Variants in IMMP2L observed in about 807,000 individuals in gnomAD.
IMMP2L encodes inner mitochondrial membrane peptidase subunit 2.
A neutral mutation model predicts 19.3 loss-of-function variants in IMMP2L; 18 were observed. The ratio of observed to expected loss-of-function variants is 0.93; its 90% confidence interval spans 0.64 to 1.38. The LOEUF (loss-of-function observed/expected upper bound fraction) is 1.38, where lower values mean the gene tolerates loss of function less well. Among genes scored for constraint, IMMP2L ranks in the 40% most tolerant of loss-of-function variants. The probability of loss-of-function intolerance (pLI) is 0.00; values close to 1 mark genes in which losing one functional copy is unlikely to be tolerated. For missense variants in IMMP2L, 233 were observed against 218.2 expected, an observed-to-expected ratio of 1.07 and a Z score of -0.43; for synonymous variants, 76 against 73.0, an observed-to-expected ratio of 1.04 and a Z score of -0.21.
In IMMP2L at chr7:111,451,015, A is replaced by G. The variant is rs756275342; in HGVS notation, c.239+36223T>C. Among the ~76,000 whole-genome samples, 1,369 of 150,844 alleles carry G rather than the reference A, an allele frequency of 9.1e-3. 21 individuals are homozygous for G. The highest frequency in any genetic ancestry group is 0.012 in the Non-Finnish European group (815 of 67,870). ...CAAATCAAAACCACCATGAGATATCATCTCACACCAGTTAGAATGGCGATC... is the reference window on the plus strand; with the variant it reads ...CAAATCAAAACCACCATGAGATATCGTCTCACACCAGTTAGAATGGCGATC... On this transcript the variant is annotated intron_variant, in intron 3 of 5. Transcript: ENST00000405709.
At chr7:110,730,007 T>C (rs536565158) in intron 5 of IMMP2L, among the ~76,000 whole-genome samples, 70 of 152,128 alleles carry the variant, frequency 4.6e-4, no homozygotes, top group Middle Eastern at 3.4e-3. Flanking sequence ...CTATTGAACA[T>C]TATGAGGTAA....
intron 5 of IMMP2L, among the ~76,000 whole-genome samples, chr7:110,787,357 C>T (rs964609690): frequency 1.1e-4 from 17 of 151,998 alleles, no homozygotes; most frequent in Admixed American, 5.3e-4. Context: ...ATTTTCAGTC[C>T]TCTCTCCTGA....
intron 5 of IMMP2L, among the ~76,000 whole-genome samples, chr7:110,668,144 T>A (rs953760932): frequency 1.1e-4 from 16 of 152,172 alleles, no homozygotes; most frequent in Admixed American, 9.2e-4. Flanking sequence ...CTAACCCTAG[T>A]GATTCTGCTG....
At chr7:111,486,736 T>C (rs1165494259) in intron 3 of IMMP2L, among the ~76,000 whole-genome samples, 3 of 152,270 alleles carry the variant, frequency 2.0e-5, no homozygotes, top group East Asian at 1.9e-4. Context: ...CATCATATTA[T>C]AACAGTGAAA....
At chr7:111,092,726 C>T (rs899853793) in intron 3 of IMMP2L, among the ~76,000 whole-genome samples, 1 of 152,128 alleles carries the variant, frequency 6.6e-6, no homozygotes, top group Non-Finnish European at 1.5e-5. Flanking sequence ...TAAAGGGAAG[C>T]CAGCTACTTA....
intron 5 of IMMP2L, among the ~76,000 whole-genome samples, chr7:110,713,130 T>C (rs1319040079): frequency 6.6e-6 from 1 of 151,690 alleles, no homozygotes; most frequent in Non-Finnish European, 1.5e-5. Context: ...TGCATATGTC[T>C]AGCCAGTTAC....
At chr7:111,541,535 A>T (rs1229963288) in intron 1 of IMMP2L, among the ~76,000 whole-genome samples, 1 of 152,196 alleles carries the variant, frequency 6.6e-6, no homozygotes, top group African/African-American at 2.4e-5. Flanking sequence ...GGTTGTTTTC[A>T]TCTTAAACGG....
Position 110,718,364 on chromosome 7 carries a change from T to A in IMMP2L, c.409-54643A>T, listed in dbSNP as rs187770233. On this transcript the variant is annotated intron_variant, in intron 5 of 5. Coordinates refer to ENST00000405709, the MANE Select transcript of IMMP2L (RefSeq NM_032549.4). The stretch of plus-strand genomic sequence containing the variant: ...AGATATTTGGAGCAAACCCTGGCAC[T>A]AGATTATGGAGTTTAACAAGAATAT... Among the ~76,000 whole-genome samples, 13 of 152,314 alleles carry A rather than the reference T, an allele frequency of 8.5e-5. No homozygotes were observed. In the East Asian group the frequency reaches 2.3e-3, roughly 27 times the overall value.
intron 3 of IMMP2L, among the ~76,000 whole-genome samples, chr7:111,322,415 T>G (rs1449586374): frequency 1.3e-5 from 2 of 151,880 alleles, no homozygotes; most frequent in Admixed American, 6.6e-5. Context: ...CATAATATTA[T>G]ACTGAATTGT....
At chr7:110,972,388 A>T (rs1310479029) in intron 3 of IMMP2L, among the ~76,000 whole-genome samples, 2 of 152,116 alleles carry the variant, frequency 1.3e-5, no homozygotes, top group Non-Finnish European at 2.9e-5. Flanking sequence ...CCTAAATAAT[A>T]CTAAAATTAA....
At chr7:110,798,924 TA>T (rs1262114678) in intron 5 of IMMP2L, among the ~76,000 whole-genome samples, 2 of 152,012 alleles carry the variant, frequency 1.3e-5, no homozygotes, top group East Asian at 3.9e-4. Context: ...CTCTTGCAGA[TA>T]ATATAGAAAG....
chr7:111,031,379 G>A (rs372076762), intron 3 of IMMP2L, among the ~76,000 whole-genome samples: 1 of 13,162 alleles, frequency 7.6e-5, no homozygotes, highest in African/African-American at 2.0e-4. Context: ...AAGGGGTGTA[G>A]GGGTGTGTGT....
chr7:110,785,742 G>T (rs1343643178), intron 5 of IMMP2L, among the ~76,000 whole-genome samples: 1 of 151,842 alleles, frequency 6.6e-6, no homozygotes, highest in Non-Finnish European at 1.5e-5. Flanking sequence ...TGTTTGATCT[G>T]ATCAACAGGC....
intron 5 of IMMP2L, among the ~76,000 whole-genome samples, chr7:110,680,787 G>T (rs1340769870): frequency 1.3e-5 from 2 of 152,146 alleles, no homozygotes; most frequent in African/African-American, 4.8e-5. Context: ...CCTGGGCCCA[G>T]CCAATCAGAT....
chr7:111,064,125 C>T (rs980021981), intron 3 of IMMP2L, among the ~76,000 whole-genome samples: 9 of 152,286 alleles, frequency 5.9e-5, no homozygotes, highest in South Asian at 2.1e-4. Context: ...CACAGCTCCA[C>T]GTGGCTGTGG....
intron 2 of IMMP2L, among the ~76,000 whole-genome samples, chr7:111,507,780 T>C (rs1845069651): frequency 6.6e-6 from 1 of 152,174 alleles, no homozygotes; most frequent in African/African-American, 2.4e-5. Flanking sequence ...CAATTTTGGC[T>C]TCCCTCAGCT....
At chr7:111,496,045 TA>T (rs1442553962) in intron 2 of IMMP2L, among the ~76,000 whole-genome samples, 5 of 152,142 alleles carry the variant, frequency 3.3e-5, no homozygotes. Flanking sequence ...ACTGAAATAG[TA>T]CTGTTGATTT....
chr7:111,411,361 G>A (rs1834409061), intron 3 of IMMP2L: 1 of 449,720 alleles, frequency 2.2e-6, no homozygotes, highest in Non-Finnish European at 4.4e-6. Context: ...CAACACCCCT[G>A]AAATTCTCAA....
rs1216342875 is a variant in IMMP2L at position 111,217,901 on chromosome 7, A to C, written c.240-254336T>G. On this transcript the variant is annotated intron_variant, in intron 3 of 5. Transcript: ENST00000405709. Reference sequence around the variant, plus strand: ...TTTTTGGCAAGATTAGATCTCTACTATGAATTGAAAGTCTTCGGTATCTCT... The same window carrying C: ...TTTTTGGCAAGATTAGATCTCTACTCTGAATTGAAAGTCTTCGGTATCTCT... 2.6e-5 allele frequency among the ~76,000 whole-genome samples: 4 copies of C among 152,056 alleles called. No homozygotes were observed. In the East Asian group the frequency reaches 7.7e-4, roughly 29 times the overall value.
Sources: gnomAD v4.1 joint callset for allele counts (sites outside exome capture counted in the v4.1 genomes callset) on GRCh38, gnomAD v4.1.1 for gene constraint, MANE v1.5 for transcripts, NCBI Gene and HGNC (gene_info 2026-07-23, HGNC 2026-07-21) for gene names.